The following HECW1 variants were observed in gnomAD, a reference collection of about 807,000 sequenced individuals.
HECW1 encodes E3 ubiquitin-protein ligase HECW1.
HECW1 carries 61 observed loss-of-function variants against 182.3 expected under a neutral mutation model. The observed-to-expected ratio is 0.33, with a 90% CI of 0.27 to 0.41. The LOEUF (loss-of-function observed/expected upper bound fraction) is 0.41. Ranked by LOEUF, HECW1 falls within the 10% of genes least tolerant of loss-of-function variation. The pLI is 1.00. For synonymous variants in HECW1, 859 were observed against 832.6 expected (o/e 1.03, Z -0.55); for missense variants, 1,739 against 2,108.9 (o/e 0.82, Z 3.44).
At chr7:43,338,622 G>A (rs1315239009) in intron 5 of HECW1, among the ~76,000 whole-genome samples, 1 of 151,952 alleles carries the variant, frequency 6.6e-6, no homozygotes, top group African/African-American at 2.4e-5. Flanking sequence ...CTTTATTTTG[G>A]TAAAATTCTT....
At chr7:43,125,691 GA>G (rs1325757613) in intron 2 of HECW1, among the ~76,000 whole-genome samples, 1 of 145,080 alleles carries the variant, frequency 6.9e-6, no homozygotes, top group African/African-American at 2.5e-5. Flanking sequence ...CTGGGAGGCA[GA>G]GGTTGCAGTG....
At chr7:43,390,382 AT>A (rs2074976325) in intron 6 of HECW1, among the ~76,000 whole-genome samples, 1 of 151,992 alleles carries the variant, frequency 6.6e-6, no homozygotes, top group Non-Finnish European at 1.5e-5. Flanking sequence ...CTACAAAAAA[AT>A]TTTTTTAATT....
intron 3 of HECW1, among the ~76,000 whole-genome samples, chr7:43,294,567 G>C (rs1805803913): frequency 6.6e-6 from 1 of 152,164 alleles, no homozygotes; most frequent in African/African-American, 2.4e-5. Flanking sequence ...GCTAATACTT[G>C]GCTCCTCGGT....
At chr7:43,188,142 G>A (rs553933939) in intron 2 of HECW1, among the ~76,000 whole-genome samples, 24 of 152,314 alleles carry the variant, frequency 1.6e-4, no homozygotes, top group Admixed American at 3.3e-4. Flanking sequence ...TCTTCAAAGG[G>A]ATTGTTTTCG....
chr7:43,228,045 G>A (rs1226911580), intron 2 of HECW1, among the ~76,000 whole-genome samples: 1 of 152,216 alleles, frequency 6.6e-6, no homozygotes, highest in Non-Finnish European at 1.5e-5. Context: ...GGGTGAGTAA[G>A]CAGGGCTTTC....
intron 15 of HECW1, among the ~76,000 whole-genome samples, chr7:43,467,555 G>C (rs1300973631): frequency 6.6e-6 from 1 of 152,104 alleles, no homozygotes; most frequent in East Asian, 1.9e-4. Flanking sequence ...TGCCTGACCA[G>C]AGGGGTTGAT....
At position 43,541,258 on chromosome 7, in the gene HECW1, G is replaced by A; in HGVS notation, c.4115G>A (p.Arg1372Lys). The A allele has an allele frequency of 6.2e-7, 1 of 1,611,794 alleles. No homozygotes were observed. Among genetic ancestry groups the A allele is most frequent in the South Asian group, 1.1e-5 (1 of 91,024 alleles). Residue 1372 changes from arginine (R) to lysine (K), a missense_variant, in exon 25 of 30, where the codon AGA (arginine) becomes AAA (lysine). Transcript: ENST00000395891. ...AGGCCCTTCTACAAGGCACTCCTGA[G>A]ACTGTAAGTGCTTTGCAGACCATGC... is the stretch of plus-strand genomic sequence containing the variant. ...FTRPFYKALL[R>K]LPCDLSDLEY... is the part of the protein sequence containing the mutation.
intron 2 of HECW1, among the ~76,000 whole-genome samples, chr7:43,153,667 G>A (rs895957359): frequency 6.6e-6 from 1 of 152,122 alleles, no homozygotes; most frequent in South Asian, 2.1e-4. Context: ...GAGCTATGTG[G>A]CATCTGACAA....
chr7:43,271,413 T>C (rs1442774178), intron 3 of HECW1, among the ~76,000 whole-genome samples: 1 of 152,100 alleles, frequency 6.6e-6, no homozygotes, highest in East Asian at 1.9e-4. Context: ...AAAGAAGAAG[T>C]CGAACTCTTT....
At chr7:43,419,309 C>T (rs2076109732) in intron 8 of HECW1, among the ~76,000 whole-genome samples, 1 of 152,194 alleles carries the variant, frequency 6.6e-6, no homozygotes, top group Non-Finnish European at 1.5e-5. Context: ...ATGCCCGTCT[C>T]TTGTTGCAGT....
intron 17 of HECW1, among the ~76,000 whole-genome samples, chr7:43,489,560 A>G (rs752304908): frequency 6.6e-6 from 1 of 152,248 alleles, no homozygotes; most frequent in Non-Finnish European, 1.5e-5. Flanking sequence ...TAATGACATC[A>G]AAGTGAGAAG....
chr7:43,371,977 GC>G lies in HECW1; in HGVS notation c.555+11001del, dbSNP rs2074124576. The stretch of plus-strand genomic sequence containing the variant: ...TGAGATTACAGGTGCCCACCACCAC[GC>G]CCCGCTAATTTTTTTGTATTTTTAG... On this transcript the variant is annotated intron_variant, in intron 6 of 29. Transcript: ENST00000395891. Among the ~76,000 whole-genome samples, 3 of 152,068 alleles carry G rather than the reference GC, an allele frequency of 2.0e-5. No homozygotes were observed. The South Asian group carries it at 6.2e-4, about 32-fold the overall frequency.
At chr7:43,341,378 C>T (rs1017268249) in intron 5 of HECW1, among the ~76,000 whole-genome samples, 1 of 151,364 alleles carries the variant, frequency 6.6e-6, no homozygotes, top group Non-Finnish European at 1.5e-5. Context: ...CATATTGGTT[C>T]GTTTTGGTCA....
At chr7:43,344,732 G>T in intron 5 of HECW1, among the ~76,000 whole-genome samples, 1 of 151,076 alleles carries the variant, frequency 6.6e-6, no homozygotes, top group African/African-American at 2.4e-5. Context: ...CTTCTTTCTG[G>T]GTTTTTTTCT....
intron 2 of HECW1, among the ~76,000 whole-genome samples, chr7:43,184,914 C>G (rs1230818697): frequency 6.6e-6 from 1 of 151,938 alleles, no homozygotes; most frequent in African/African-American, 2.4e-5. Flanking sequence ...GGGGAGGTGC[C>G]ACACACCCTT....
At chr7:43,400,568 A>G (rs574519429) in intron 7 of HECW1, among the ~76,000 whole-genome samples, 8 of 152,330 alleles carry the variant, frequency 5.3e-5, no homozygotes, top group African/African-American at 1.7e-4. Context: ...TACTAAAGAG[A>G]AGTAAAATAT....
intron 2 of HECW1, among the ~76,000 whole-genome samples, chr7:43,116,833 A>C (rs576843104): frequency 6.6e-6 from 1 of 152,196 alleles, no homozygotes; most frequent in Non-Finnish European, 1.5e-5. Context: ...TTCTTCTTTA[A>C]GAGTAGAAAG....
chr7:43,394,578 G>A (rs1218845776), intron 6 of HECW1, among the ~76,000 whole-genome samples: 1 of 152,166 alleles, frequency 6.6e-6, no homozygotes. Flanking sequence ...CAGGAACAAA[G>A]GAGGAGTCTA....
At chr7:43,485,401 C>A (rs1439378705) in intron 17 of HECW1, among the ~76,000 whole-genome samples, 1 of 152,204 alleles carries the variant, frequency 6.6e-6, no homozygotes, top group East Asian at 1.9e-4. Context: ...AAAATTCAGA[C>A]ACCTTTGAAA....
Sources: gnomAD v4.1 joint callset for allele counts (sites outside exome capture counted in the v4.1 genomes callset) on GRCh38, gnomAD v4.1.1 for gene constraint, MANE v1.5 for transcripts, NCBI Gene and HGNC (gene_info 2026-07-23, HGNC 2026-07-21) for gene names.